RBFOX1: variants seen among roughly 807,000 people sequenced by gnomAD.
RBFOX1 encodes the protein RNA binding protein fox-1 homolog 1.
In RBFOX1, 8 loss-of-function variants were observed where a neutral mutation model predicts 57.7. The ratio of observed to expected loss-of-function variants is 0.14; its 90% confidence interval spans 0.08 to 0.25. The LOEUF is 0.25. Among genes scored for constraint, RBFOX1 ranks in the 10% least tolerant of loss-of-function variants. The pLI is 1.00. For missense variants in RBFOX1, 611 were observed against 548.5 expected (o/e 1.11, Z -1.14); for synonymous variants, 326 against 222.4 (o/e 1.47, Z -4.15).
intron 4 of RBFOX1, among the ~76,000 whole-genome samples, chr16:6,007,313 C>T (rs1263169713): frequency 6.6e-6 from 1 of 152,210 alleles, no homozygotes; most frequent in Non-Finnish European, 1.5e-5. Context: ...GGGGATCCAG[C>T]TACCACATCC....
At chr16:6,597,615 A>C (rs186730342) in intron 2 of RBFOX1, among the ~76,000 whole-genome samples, 1 of 152,140 alleles carries the variant, frequency 6.6e-6, no homozygotes, top group Admixed American at 6.5e-5. Context: ...GGAAGATTGC[A>C]GTGAGCTGAG....
intron 3 of RBFOX1, among the ~76,000 whole-genome samples, chr16:5,684,206 C>G (rs1224600609): frequency 6.6e-6 from 1 of 152,148 alleles, no homozygotes; most frequent in Non-Finnish European, 1.5e-5. Flanking sequence ...ATGGCGCCCT[C>G]TTCGAGGGCT....
chr16:7,660,180 G>T (rs7190618), intron 12 of RBFOX1, among the ~76,000 whole-genome samples: 1 of 152,186 alleles, frequency 6.6e-6, no homozygotes, highest in East Asian at 1.9e-4. Flanking sequence ...CTGTAGTGCA[G>T]TCACTCCCTG....
chr16:7,595,634 A>G lies in RBFOX1; in HGVS notation c.554A>G (p.Lys185Arg). 1 of 1,580,130 alleles carries G rather than the reference A, an allele frequency of 6.3e-7. No individual in the cohort carries two copies. Among genetic ancestry groups the G allele is most frequent in the Non-Finnish European group, 8.6e-7 (1 of 1,161,426 alleles). ...KLHGTVVEGR[K>R]IEVNNATARV... ...CACGGCACCGTGGTAGAGGGCCGTA[A>G]AATCGAGGTGCATGTTCAAAATATT... Residue 185 changes from lysine (K) to arginine (R), a missense_variant, in exon 8 of 16, where the codon AAA (lysine) becomes AGA (arginine). Transcript: ENST00000550418.
chr16:5,667,826 G>T (rs74393749), intron 3 of RBFOX1, among the ~76,000 whole-genome samples: 1 of 152,164 alleles, frequency 6.6e-6, no homozygotes, highest in African/African-American at 2.4e-5. Context: ...TTCACCAAGA[G>T]GATATTTCTG....
intron 3 of RBFOX1, among the ~76,000 whole-genome samples, chr16:7,037,860 CT>C (rs2044983992): frequency 6.6e-6 from 1 of 152,192 alleles, no homozygotes; most frequent in Non-Finnish European, 1.5e-5. Context: ...ATCAAGATGA[CT>C]GCCCAGATAA....
intron 14 of RBFOX1, among the ~76,000 whole-genome samples, chr16:7,707,852 C>T (rs879112601): frequency 6.6e-6 from 1 of 152,192 alleles, no homozygotes; most frequent in African/African-American, 2.4e-5. Flanking sequence ...TTGCCCCTCT[C>T]TTCCTCTTGA....
At position 6,207,768 on chromosome 16, in the gene RBFOX1, G is replaced by C. The variant is rs543882559; in HGVS notation, c.-126-109227G>C. Among the ~76,000 whole-genome samples the C allele has an allele frequency of 2.6e-5, 4 of 152,126 alleles. No individual in the cohort carries two copies. The South Asian group carries it at 8.3e-4, about 32-fold the overall frequency. On this transcript the variant is annotated intron_variant, in intron 1 of 15. Coordinates refer to ENST00000550418, the MANE Select transcript of RBFOX1 (RefSeq NM_018723.4). Reference sequence around the variant, plus strand: ...AGTGGTGCGCATGTAAGTAACTGTAGCCTCAAAGCCCTGGGCTCAGGGGAT... The same window carrying C: ...AGTGGTGCGCATGTAAGTAACTGTACCCTCAAAGCCCTGGGCTCAGGGGAT...
intron 10 of RBFOX1, among the ~76,000 whole-genome samples, chr16:7,623,472 C>T (rs1270388226): frequency 6.6e-6 from 1 of 152,156 alleles, no homozygotes; most frequent in African/African-American, 2.4e-5. Flanking sequence ...AAGGAACACA[C>T]AACCAAGATC....
intron 4 of RBFOX1, among the ~76,000 whole-genome samples, chr16:7,418,723 C>T (rs146025110): frequency 6.6e-6 from 1 of 152,134 alleles, no homozygotes; most frequent in Admixed American, 6.6e-5. Context: ...CTCTCTAGAA[C>T]TAATACTTTA....
At chr16:7,351,084 T>C (rs1202783536) in intron 4 of RBFOX1, among the ~76,000 whole-genome samples, 1 of 152,220 alleles carries the variant, frequency 6.6e-6, no homozygotes, top group African/African-American at 2.4e-5. Context: ...GTTTTCCTTT[T>C]ATTTTAGCAG....
At chr16:6,784,611 T>A (rs1271713636) in intron 3 of RBFOX1, among the ~76,000 whole-genome samples, 1 of 152,204 alleles carries the variant, frequency 6.6e-6, no homozygotes. Flanking sequence ...CTAGGATTGA[T>A]CACTGATACT....
rs568112492 is a variant in RBFOX1 at position 5,995,513 on chromosome 16, A to C, written c.351+128178A>C. On this transcript the variant is annotated intron_variant, in intron 4 of 19. Transcript: ENST00000641259. ...TCTTTTTAAGGATGATTATTATGCCAAGTGGAATAAGGATACAGAAATGTG... is the reference window on the plus strand; with the variant it reads ...TCTTTTTAAGGATGATTATTATGCCCAGTGGAATAAGGATACAGAAATGTG... Among the ~76,000 whole-genome samples the C allele has an allele frequency of 7.9e-5, 12 of 152,348 alleles. No individual in the cohort carries two copies. The East Asian group carries it at 2.3e-3, about 29-fold the overall frequency.
chr16:6,261,003 A>G (rs1384949399), intron 1 of RBFOX1, among the ~76,000 whole-genome samples: 2 of 152,242 alleles, frequency 1.3e-5, no homozygotes, highest in African/African-American at 2.4e-5. Flanking sequence ...ATCTGTGCAT[A>G]TATATTAAAA....
At chr16:6,677,917 T>G (rs368637812) in intron 3 of RBFOX1, among the ~76,000 whole-genome samples, 80 of 152,328 alleles carry the variant, frequency 5.3e-4, no homozygotes, top group African/African-American at 1.8e-3. Context: ...CTAAAGTGAT[T>G]AATCAGTAAG....
intron 3 of RBFOX1, among the ~76,000 whole-genome samples, chr16:5,729,947 T>A (rs1335647427): frequency 6.6e-6 from 1 of 152,166 alleles, no homozygotes; most frequent in Non-Finnish European, 1.5e-5. Context: ...AGCTAGTGGG[T>A]GCAGCACCTG....
chr16:5,375,849 A>T (rs1449903226), intron 1 of RBFOX1, among the ~76,000 whole-genome samples: 1 of 152,156 alleles, frequency 6.6e-6, no homozygotes, highest in African/African-American at 2.4e-5. Context: ...CTTTGCGATA[A>T]GACTTTCTTT....
At position 5,323,438 on chromosome 16, in the gene RBFOX1, A is replaced by C. The variant is rs190480152; in HGVS notation, c.219+83333A>C. 3.3e-5 allele frequency among the ~76,000 whole-genome samples: 5 copies of C among 152,316 alleles called. No individual in the cohort carries two copies. In the East Asian group the frequency reaches 5.8e-4, roughly 18 times the overall value. On this transcript the variant is annotated intron_variant, in intron 1 of 2. Coordinates refer to the RBFOX1 transcript ENST00000585867. ...CTCTGCTGCGGTGACCCTGGCCTCC[A>C]GCCTTGCTCATGTTAATTACGTGGG...
intron 3 of RBFOX1, among the ~76,000 whole-genome samples, chr16:5,806,545 A>G (rs558782413): frequency 8.5e-5 from 13 of 152,316 alleles, no homozygotes; most frequent in Admixed American, 3.9e-4. Context: ...AACTTTCAAC[A>G]GGAATTTTGG....
Sources: allele counts gnomAD v4.1 joint callset (sites outside exome capture counted in the v4.1 genomes callset), GRCh38; gene constraint gnomAD v4.1.1; transcripts MANE v1.5; gene names NCBI Gene and HGNC (gene_info 2026-07-23, HGNC 2026-07-21).